Variants in MARCHF11 observed in about 807,000 individuals in gnomAD.
The protein encoded by MARCHF11 is membrane associated ring-CH-type finger 11, also known as E3 ubiquitin-protein ligase MARCHF11.
In MARCHF11, 29 loss-of-function variants were observed where a neutral mutation model predicts 37.3. The observed-to-expected ratio is 0.78, with a 90% confidence interval of 0.58 to 1.06. MARCHF11 has a LOEUF of 1.06. MARCHF11 is among the 50% of genes least tolerant of loss of function. The probability of loss-of-function intolerance (pLI) is 0.00; values close to 1 mark genes in which losing one functional copy is unlikely to be tolerated. For synonymous variants in MARCHF11, 233 were observed against 228.0 expected (o/e 1.02, Z -0.20); for missense variants, 482 against 533.4 (o/e 0.90, Z 0.95).
At chr5:16,159,013 C>T (rs1458097878) in intron 2 of MARCHF11, among the ~76,000 whole-genome samples, 1 of 151,780 alleles carries the variant, frequency 6.6e-6, no homozygotes. Flanking sequence ...AATGGATATG[C>T]CAACTAGCTC....
At position 16,158,819 on chromosome 5, in the gene MARCHF11, G is replaced by A. The variant is rs6876118; in HGVS notation, c.693+18907C>T. 8.3e-3 allele frequency among the ~76,000 whole-genome samples: 1,264 copies of A among 151,958 alleles called. 24 individuals carry two copies. The highest frequency in any genetic ancestry group is 0.029 in the African/African-American group (1,191 of 41,490). ...TATCAACCCATCACCTAGATATTAA[G>A]CCCAGCATGCATTCGTTATTTTTCC... On this transcript the variant is annotated intron_variant, in intron 2 of 3. Coordinates refer to ENST00000332432, the MANE Select transcript of MARCHF11 (RefSeq NM_001102562.3).
At chr5:16,090,847 G>A in intron 3 of MARCHF11, 42 bp downstream of exon 3, 1 of 1,375,022 alleles carries the variant, frequency 7.3e-7, no homozygotes, top group South Asian at 1.8e-5. Flanking sequence ...TGAAAGAAAT[G>A]GATTACTGAC....
At chr5:16,093,256 C>G (rs566189707) in intron 2 of MARCHF11, among the ~76,000 whole-genome samples, 82 of 152,128 alleles carry the variant, frequency 5.4e-4, no homozygotes, top group Non-Finnish European at 1.1e-3. Flanking sequence ...CAAGAAGAGA[C>G]TTTACTGATA....
intron 2 of MARCHF11, among the ~76,000 whole-genome samples, chr5:16,111,149 G>C (rs1737131338): frequency 6.6e-6 from 1 of 152,174 alleles, no homozygotes; most frequent in Non-Finnish European, 1.5e-5. Flanking sequence ...GACTAATACA[G>C]TAAATTGGTA....
intron 2 of MARCHF11, chr5:16,129,056 AG>A (rs1359389581): frequency 1.3e-5 from 2 of 152,134 alleles, no homozygotes; most frequent in Non-Finnish European, 2.9e-5. Context: ...TTGATTAGTG[AG>A]GGTTGGTCAG....
intron 2 of MARCHF11, among the ~76,000 whole-genome samples, chr5:16,165,273 T>C (rs897506017): frequency 2.6e-5 from 4 of 152,060 alleles, no homozygotes; most frequent in African/African-American, 7.2e-5. Flanking sequence ...CATTTTAGAG[T>C]AGTTTTTTAT....
chr5:16,161,131 A>G (rs1325029835), intron 2 of MARCHF11, among the ~76,000 whole-genome samples: 2 of 151,598 alleles, frequency 1.3e-5, no homozygotes, highest in Non-Finnish European at 2.9e-5. Flanking sequence ...GGTGTGCTGC[A>G]CCCATTAACG....
At position 16,091,094 on chromosome 5, in the gene MARCHF11, C is replaced by A; in HGVS notation, c.694-13G>T. On this transcript the variant is annotated splice_polypyrimidine_tract_variant and intron_variant, in intron 2 of 3. Transcript: ENST00000332432. ...AAATGCTCTGCCACTAAAAGAAAAACAGAGGCATGTAAGAAAGGAGCTGTG... is the reference window on the plus strand; with the variant it reads ...AAATGCTCTGCCACTAAAAGAAAAAAAGAGGCATGTAAGAAAGGAGCTGTG... 1 of 1,553,314 alleles carries A rather than the reference C, an allele frequency of 6.4e-7. No homozygotes were observed. The highest frequency in any genetic ancestry group is 8.7e-7 in the Non-Finnish European group (1 of 1,150,006).
intron 2 of MARCHF11, among the ~76,000 whole-genome samples, chr5:16,156,952 T>A (rs1405067925): frequency 6.6e-6 from 1 of 151,944 alleles, no homozygotes; most frequent in Non-Finnish European, 1.5e-5. Context: ...CCATCGTTGA[T>A]GGAAACCTTG....
At chr5:16,090,267 T>C (rs1441699555) in intron 3 of MARCHF11, among the ~76,000 whole-genome samples, 1 of 152,138 alleles carries the variant, frequency 6.6e-6, no homozygotes, top group African/African-American at 2.4e-5. Context: ...GAACAACAGA[T>C]GGGTCAAAGG....
chr5:16,117,446 C>T (rs1737241355), intron 2 of MARCHF11, among the ~76,000 whole-genome samples: 1 of 152,212 alleles, frequency 6.6e-6, no homozygotes, highest in African/African-American at 2.4e-5. Context: ...TCCTTCTTTG[C>T]ACTCCTGAAC....
At chr5:16,127,184 G>A (rs1055191238) in intron 2 of MARCHF11, among the ~76,000 whole-genome samples, 1 of 152,196 alleles carries the variant, frequency 6.6e-6, no homozygotes, top group Non-Finnish European at 1.5e-5. Flanking sequence ...AGGCTTACTA[G>A]ACGTTATAGT....
intron 2 of MARCHF11, among the ~76,000 whole-genome samples, chr5:16,140,390 T>C (rs894235269): frequency 6.6e-6 from 1 of 152,158 alleles, no homozygotes; most frequent in African/African-American, 2.4e-5. Flanking sequence ...AAAAATATTA[T>C]AATAAATGCA....
At chr5:16,154,606 G>C (rs559327485) in intron 2 of MARCHF11, among the ~76,000 whole-genome samples, 8 of 151,456 alleles carry the variant, frequency 5.3e-5, no homozygotes, top group East Asian at 2.0e-4. Context: ...AAAAAGGGAG[G>C]GGGGGGAGGA....
chr5:16,123,730 G>A (rs1399420004), intron 2 of MARCHF11, among the ~76,000 whole-genome samples: 1 of 144,742 alleles, frequency 6.9e-6, no homozygotes, highest in South Asian at 2.3e-4. Context: ...GATACCTGCT[G>A]CAGCATCTCC....
At chr5:16,068,416 C>A (rs111296634) in intron 3 of MARCHF11, among the ~76,000 whole-genome samples, 5 of 152,062 alleles carry the variant, frequency 3.3e-5, no homozygotes, top group African/African-American at 1.2e-4. Flanking sequence ...TAGCACTTAC[C>A]CCGTTTGGCA....
At chr5:16,103,185 G>T (rs533318416) in intron 2 of MARCHF11, among the ~76,000 whole-genome samples, 1 of 152,102 alleles carries the variant, frequency 6.6e-6, no homozygotes, top group Non-Finnish European at 1.5e-5. Context: ...AGAGAAAAGT[G>T]AATATGGTGC....
chr5:16,086,226 T>C (rs1394953182), intron 3 of MARCHF11, among the ~76,000 whole-genome samples: 2 of 152,078 alleles, frequency 1.3e-5, no homozygotes, highest in Admixed American at 6.6e-5. Flanking sequence ...CACTTATAAA[T>C]AAAATGCGGA....
At chr5:16,124,720 C>G (rs1032685407) in intron 2 of MARCHF11, among the ~76,000 whole-genome samples, 1 of 141,676 alleles carries the variant, frequency 7.1e-6, no homozygotes, top group African/African-American at 2.5e-5. Flanking sequence ...TCTCAAGGAA[C>G]TTTACTTCCA....
Sources: allele counts gnomAD v4.1 joint callset (sites outside exome capture counted in the v4.1 genomes callset), GRCh38; gene constraint gnomAD v4.1.1; transcripts MANE v1.5; gene names NCBI Gene and HGNC (gene_info 2026-07-23, HGNC 2026-07-21).